The following ADCY8 variants were observed in gnomAD, a reference collection of about 807,000 sequenced individuals.
ADCY8 encodes the protein adenylate cyclase 8.
ADCY8 carries 51 observed loss-of-function variants against 119.7 expected under a neutral mutation model. That is an observed-to-expected ratio of 0.43 (90% CI 0.34 to 0.54). The LOEUF (loss-of-function observed/expected upper bound fraction) is 0.54. Among genes scored for constraint, ADCY8 ranks in the 20% least tolerant of loss-of-function variants. The pLI, the probability that ADCY8 is intolerant of heterozygous loss-of-function variation, is 0.03. For synonymous variants in ADCY8, 665 were observed against 651.0 expected (o/e 1.02, Z -0.33); for missense variants, 1,383 against 1,598.8 (o/e 0.87, Z 2.30).
intron 1 of ADCY8, among the ~76,000 whole-genome samples, chr8:131,016,588 T>C (rs1823480895): frequency 6.6e-6 from 1 of 152,120 alleles, no homozygotes; most frequent in African/African-American, 2.4e-5. Context: ...GAGTGAGTCT[T>C]GCAGATCTCT....
At chr8:130,790,148 C>T (rs16904358) in intron 15 of ADCY8, among the ~76,000 whole-genome samples, 27,694 of 152,034 alleles carry the variant, frequency 0.18, 3,008 homozygotes, top group East Asian at 0.39. Flanking sequence ...GCTTTGAGGG[C>T]TGGAGTTAAT....
intron 1 of ADCY8, among the ~76,000 whole-genome samples, chr8:131,037,930 A>C (rs1824214106): frequency 6.6e-6 from 1 of 152,170 alleles, no homozygotes; most frequent in Non-Finnish European, 1.5e-5. Context: ...TAATAAGAAA[A>C]AGTTCAGTCA....
intron 2 of ADCY8, among the ~76,000 whole-genome samples, chr8:130,955,411 T>G (rs1310218676): frequency 1.3e-5 from 2 of 152,110 alleles, no homozygotes; most frequent in African/African-American, 4.8e-5. Flanking sequence ...AAGCTTCCCC[T>G]TCACCTTATC....
chr8:130,981,315 A>G (rs1822232851), intron 2 of ADCY8, among the ~76,000 whole-genome samples: 1 of 152,224 alleles, frequency 6.6e-6, no homozygotes, highest in Admixed American at 6.5e-5. Flanking sequence ...CCCATACTCA[A>G]GTCCCACTAA....
chr8:130,824,303 C>T (rs1816606665), intron 12 of ADCY8, among the ~76,000 whole-genome samples: 1 of 152,050 alleles, frequency 6.6e-6, no homozygotes, highest in Admixed American at 6.6e-5. Flanking sequence ...CATATTCTGC[C>T]TACTTTAATT....
intron 1 of ADCY8, among the ~76,000 whole-genome samples, chr8:131,002,089 C>A (rs1450988520): frequency 6.6e-6 from 1 of 152,170 alleles, no homozygotes; most frequent in Non-Finnish European, 1.5e-5. Context: ...TCTAATAATG[C>A]CATTTACTTG....
rs1293876010 is a variant in ADCY8 at position 130,814,064 on chromosome 8, C to T, written c.2913+5G>A. 1.9e-6 allele frequency: 3 copies of T among 1,613,944 alleles called. No homozygotes were observed. Among genetic ancestry groups the T allele is most frequent in the East Asian group, 2.2e-5 (1 of 44,890 alleles). ...TCTCACTGGCTAGACCAGCCCCTGG[C>T]TCACCTCATTGTCTCGGTCCTTCTC... On this transcript the variant is annotated splice_donor_5th_base_variant and intron_variant, in intron 14 of 17. Coordinates refer to ENST00000286355, the MANE Select transcript of ADCY8 (RefSeq NM_001115.3).
rs201402635 is a variant in ADCY8, at chr8:130,951,989, C to T, written c.1120G>A (p.Val374Met). The T allele has an allele frequency of 1.4e-5, 22 of 1,603,570 alleles. No individual in the cohort carries two copies. The highest frequency in any genetic ancestry group is 3.4e-5 in the Admixed American group (2 of 58,908). Residue 374 changes from valine (V) to methionine (M), a missense_variant, in exon 3 of 18, where the codon GTG becomes ATG. Transcript: ENST00000286355. The part of the protein sequence containing the change: ...ETENQRQERL[V>M]LSVLPRFVVL... ...ACAAACCGGGGGAGCACAGAAAGCA[C>T]GAGCCGCTCCTGGAACAAATGAAGA...
chr8:130,916,746 A>G (rs556837165), intron 5 of ADCY8, among the ~76,000 whole-genome samples: 2 of 152,354 alleles, frequency 1.3e-5, no homozygotes, highest in South Asian at 4.1e-4. Flanking sequence ...GCTGCAATTA[A>G]TTCGGCCCAT....
At chr8:130,851,419 G>A (rs1817523759) in intron 9 of ADCY8, among the ~76,000 whole-genome samples, 1 of 152,048 alleles carries the variant, frequency 6.6e-6, no homozygotes. Context: ...GGAAAGAGTG[G>A]GGAGCATGAG....
intron 5 of ADCY8, among the ~76,000 whole-genome samples, chr8:130,934,222 G>T (rs1469604842): frequency 6.6e-6 from 1 of 152,160 alleles, no homozygotes; most frequent in African/African-American, 2.4e-5. Context: ...AACTACCTGA[G>T]ACTGGGTAAT....
chr8:130,926,009 T>C (rs1039605284), intron 5 of ADCY8, among the ~76,000 whole-genome samples: 1 of 152,198 alleles, frequency 6.6e-6, no homozygotes, highest in African/African-American at 2.4e-5. Context: ...ACCATGTCAC[T>C]TCCCTACTTT....
At chr8:130,902,653 T>A (rs1361431866) in intron 7 of ADCY8, among the ~76,000 whole-genome samples, 1 of 152,208 alleles carries the variant, frequency 6.6e-6, no homozygotes, top group Non-Finnish European at 1.5e-5. Flanking sequence ...CATTTTAACC[T>A]TTCCATTTAA....
intron 7 of ADCY8, among the ~76,000 whole-genome samples, chr8:130,890,733 G>C (rs981796783): frequency 2.0e-5 from 3 of 152,152 alleles, no homozygotes; most frequent in Non-Finnish European, 4.4e-5. Flanking sequence ...CCACAGGCTG[G>C]CAAGGGGTAA....
At chr8:130,899,098 A>G (rs1819507320) in intron 7 of ADCY8, among the ~76,000 whole-genome samples, 1 of 151,966 alleles carries the variant, frequency 6.6e-6, no homozygotes, top group South Asian at 2.1e-4. Flanking sequence ...ACTCCTTTCT[A>G]CCTCAGGGTG....
At chr8:130,903,653 A>C in intron 7 of ADCY8, 119 bp downstream of exon 7, 1 of 1,156,478 alleles carries the variant, frequency 8.6e-7, no homozygotes, top group Admixed American at 2.3e-5. Context: ...ATCATTTGCA[A>C]TTATGGTGTT....
At chr8:130,911,251 T>C (rs1330402552) in intron 5 of ADCY8, among the ~76,000 whole-genome samples, 1 of 152,222 alleles carries the variant, frequency 6.6e-6, no homozygotes, top group African/African-American at 2.4e-5. Flanking sequence ...TCCATCTTTT[T>C]AAGAATTTTG....
At chr8:130,889,091 G>C (rs1819093133) in intron 7 of ADCY8, among the ~76,000 whole-genome samples, 1 of 152,064 alleles carries the variant, frequency 6.6e-6, no homozygotes, top group Non-Finnish European at 1.5e-5. Flanking sequence ...CTATTTCGTT[G>C]TTAGATCCTC....
chr8:130,780,525 C>A lies in ADCY8; in HGVS notation c.3621G>T (p.Arg1207Ser). The stretch of plus-strand genomic sequence containing the variant: ...TGTTCTCATTGAGTAGCTGCTTCTG[C>A]CTTTGCCTATTGAGGGACTGGACAA... ...LGLVQSLNRQ[R>S]QKQLLNENNN... The change falls in exon 18 of 18, where the codon AGG becomes AGT. Residue 1207 changes from arginine (R) to serine (S), a missense_variant. Arg to Ser is a moderately radical substitution (Grantham distance 110, BLOSUM62 -1). This residue lies in a region of ADCY8 where 928 missense variants were observed against 1,163.5 expected (regional missense o/e 0.80). Transcript: ENST00000286355. The A allele has an allele frequency of 6.2e-7, 1 of 1,614,140 alleles. No individual in the cohort carries two copies. Among genetic ancestry groups the A allele is most frequent in the South Asian group, 1.1e-5 (1 of 91,078 alleles).
Sources: allele counts gnomAD v4.1 joint callset (sites outside exome capture counted in the v4.1 genomes callset), GRCh38; gene constraint gnomAD v4.1.1; regional missense constraint gnomAD v4.1.1; transcripts MANE v1.5; gene names NCBI Gene and HGNC (gene_info 2026-07-23, HGNC 2026-07-21).